The following NALCN variants were observed in gnomAD, a reference collection of about 807,000 sequenced individuals.
NALCN encodes sodium leak channel NALCN.
In NALCN, 111 loss-of-function variants were observed where a neutral mutation model predicts 225.3. The observed-to-expected ratio is 0.49, with a 90% CI of 0.42 to 0.58. The LOEUF (loss-of-function observed/expected upper bound fraction) is 0.58, where lower values mean the gene tolerates loss of function less well. NALCN is among the 20% of genes least tolerant of loss of function. The pLI, the probability that NALCN is intolerant of heterozygous loss-of-function variation, is 0.00. For synonymous variants in NALCN, 764 were observed against 769.0 expected, an observed-to-expected ratio of 0.99 and a Z score of 0.11; for missense variants, 1,378 against 2,202.4, an observed-to-expected ratio of 0.63 and a Z score of 7.49.
At chr13:101,161,646 C>T (rs141517387) in intron 15 of NALCN, among the ~76,000 whole-genome samples, 3,016 of 152,164 alleles carry the variant, frequency 0.02, 85 homozygotes, top group African/African-American at 0.061. Context: ...CCAAGGCAGG[C>T]GGATCACCTG....
At chr13:101,214,693 G>T (rs575709433) in intron 13 of NALCN, among the ~76,000 whole-genome samples, 2 of 152,122 alleles carry the variant, frequency 1.3e-5, no homozygotes, top group Non-Finnish European at 2.9e-5. Context: ...GAGAATTTCC[G>T]ATCTCTGCTA....
chr13:101,057,794 C>A, intron 43 of NALCN, 145 bp downstream of exon 43: 1 of 722,204 alleles, frequency 1.4e-6, no homozygotes, highest in Non-Finnish European at 2.5e-6. Flanking sequence ...ATGTTTTTGA[C>A]AAGACTACAT....
chr13:101,070,268 A>G (rs943133043), intron 37 of NALCN, among the ~76,000 whole-genome samples: 2 of 151,916 alleles, frequency 1.3e-5, no homozygotes, highest in African/African-American at 4.8e-5. Flanking sequence ...AGGTTTCACC[A>G]TGTTAGCCAG....
At chr13:101,201,160 G>T (rs1299581375) in intron 13 of NALCN, among the ~76,000 whole-genome samples, 2 of 151,842 alleles carry the variant, frequency 1.3e-5, no homozygotes, top group Admixed American at 6.6e-5. Context: ...TATTTTTTTT[G>T]ACTTTTAAAA....
chr13:101,284,877 C>G (rs927674694), intron 9 of NALCN, among the ~76,000 whole-genome samples: 1 of 152,126 alleles, frequency 6.6e-6, no homozygotes, highest in African/African-American at 2.4e-5. Flanking sequence ...CCCACTTTCA[C>G]GTATTTTCCC....
At chr13:101,405,819 G>C (rs1334015786) in intron 1 of NALCN, among the ~76,000 whole-genome samples, 3 of 152,120 alleles carry the variant, frequency 2.0e-5, no homozygotes, top group African/African-American at 7.2e-5. Context: ...AAGGAAAATA[G>C]CCTTCAGTAG....
chr13:101,263,727 A>G (rs533250191), intron 10 of NALCN, among the ~76,000 whole-genome samples: 1 of 152,328 alleles, frequency 6.6e-6, no homozygotes, highest in Admixed American at 6.5e-5. Flanking sequence ...GGATTTTGAT[A>G]CACTATAATC....
chr13:101,235,951 T>C (rs536589611), intron 12 of NALCN, among the ~76,000 whole-genome samples: 42 of 152,338 alleles, frequency 2.8e-4, no homozygotes, highest in African/African-American at 1.0e-3. Flanking sequence ...GCAATGCATG[T>C]TCTTTTTCCT....
chr13:101,396,577 C>A lies in NALCN; in HGVS notation c.109-1212G>T, dbSNP rs181088280. On this transcript the variant is annotated intron_variant, in intron 2 of 43. Coordinates refer to ENST00000251127, the MANE Select transcript of NALCN (RefSeq NM_052867.4). The stretch of plus-strand genomic sequence containing the variant: ...ATTTATCTGACAGTTATAATATTTA[C>A]ATGAAGATATTTTGCTGCTAATTCC... Among the ~76,000 whole-genome samples, 14 of 152,166 alleles carry A rather than the reference C, an allele frequency of 9.2e-5. No homozygotes were observed. In the East Asian group the frequency reaches 2.7e-3, roughly 29 times the overall value.
chr13:101,390,326 G>C lies in NALCN; in HGVS notation c.291+4857C>G, dbSNP rs114112290. On this transcript the variant is annotated intron_variant, in intron 3 of 43. Transcript: ENST00000251127. ...AAATGATGAAAAAGAAATGAAAAAA[G>C]TATTTGAGAAAGAGGAGTGAAATAC... Among the ~76,000 whole-genome samples, 466 of 152,116 alleles carry C rather than the reference G, an allele frequency of 3.1e-3. 1 individual carries two copies. The highest frequency in any genetic ancestry group is 0.01 in the African/African-American group (430 of 41,522).
At chr13:101,175,230 A>G (rs922203153) in intron 15 of NALCN, among the ~76,000 whole-genome samples, 4 of 140,620 alleles carry the variant, frequency 2.8e-5, no homozygotes, top group African/African-American at 7.5e-5. Flanking sequence ...AGGAATCTTC[A>G]TAACAATTTT....
chr13:101,132,568 A>G (rs1429756153), intron 17 of NALCN, among the ~76,000 whole-genome samples: 1 of 152,126 alleles, frequency 6.6e-6, no homozygotes, highest in African/African-American at 2.4e-5. Flanking sequence ...GGTGATATAT[A>G]CATATTTTAA....
chr13:101,391,327 G>A (rs2047138116), intron 3 of NALCN, among the ~76,000 whole-genome samples: 1 of 152,042 alleles, frequency 6.6e-6, no homozygotes, highest in Non-Finnish European at 1.5e-5. Context: ...AATAAATAGG[G>A]GATAATTTCC....
At chr13:101,167,383 C>A (rs1046160535) in intron 15 of NALCN, among the ~76,000 whole-genome samples, 4 of 152,160 alleles carry the variant, frequency 2.6e-5, no homozygotes, top group African/African-American at 9.7e-5. Context: ...CCTCAACTTA[C>A]AATAGGGTTT....
chr13:101,224,718 AGGGCCAATC>A (rs1010461888), intron 13 of NALCN, among the ~76,000 whole-genome samples: 3 of 152,174 alleles, frequency 2.0e-5, no homozygotes, highest in African/African-American at 7.2e-5. Context: ...TTTCACTTCC[AGGGCCAATC>A]GGGCCAACAA....
intron 2 of NALCN, among the ~76,000 whole-genome samples, chr13:101,398,816 C>G (rs1290488473): frequency 6.6e-6 from 1 of 152,034 alleles, no homozygotes; most frequent in Non-Finnish European, 1.5e-5. Context: ...GATCAGACTA[C>G]CCAGTGCATC....
intron 7 of NALCN, among the ~76,000 whole-genome samples, chr13:101,296,735 AATAGCACT>A (rs1227173171): frequency 2.0e-5 from 3 of 152,212 alleles, no homozygotes; most frequent in Admixed American, 2.0e-4. Flanking sequence ...GAGCTCTTGG[AATAGCACT>A]ACTTTCTCAG....
At chr13:101,276,294 T>G (rs2138965079) in intron 10 of NALCN, among the ~76,000 whole-genome samples, 1 of 152,236 alleles carries the variant, frequency 6.6e-6, no homozygotes, top group Non-Finnish European at 1.5e-5. Flanking sequence ...CTTATTAAAC[T>G]CAGCCTTATT....
chr13:101,154,312 T>C (rs1259790351), intron 15 of NALCN, among the ~76,000 whole-genome samples: 1 of 152,214 alleles, frequency 6.6e-6, no homozygotes, highest in Non-Finnish European at 1.5e-5. Context: ...TCTAAAACTG[T>C]TGTATACTGC....
Sources: gnomAD v4.1 joint callset for allele counts (sites outside exome capture counted in the v4.1 genomes callset) on GRCh38, gnomAD v4.1.1 for gene constraint, MANE v1.5 for transcripts, NCBI Gene and HGNC (gene_info 2026-07-23, HGNC 2026-07-21) for gene names.